VXN: variants seen among roughly 807,000 people sequenced by gnomAD.
VXN encodes the protein vexin, also known as uncharacterized protein C8orf46.
In VXN, 7 loss-of-function variants were observed where a neutral mutation model predicts 23.1. The observed-to-expected ratio is 0.30, with a 90% CI of 0.17 to 0.57. The LOEUF (loss-of-function observed/expected upper bound fraction) is 0.57. Among genes scored for constraint, VXN ranks in the 20% least tolerant of loss-of-function variants. VXN has a pLI of 0.91. For synonymous variants in VXN, 120 were observed against 105.8 expected (o/e 1.13, Z -0.83); for missense variants, 238 against 272.6 (o/e 0.87, Z 0.89).
At position 66,505,536 on chromosome 8, in the gene VXN, A is replaced by T; in HGVS notation, c.280+8A>T. On this transcript the variant is annotated splice_region_variant and intron_variant, in intron 3 of 5. Transcript: ENST00000305454. ...AAGCCTCTGCCAGACCCGGTACGTG[A>T]GTCCCGGCCCCAGCTCCCCGCACCT... The T allele has an allele frequency of 6.7e-7, 1 of 1,483,812 alleles. No homozygotes were observed. The highest frequency in any genetic ancestry group is 8.9e-7 in the Non-Finnish European group (1 of 1,120,982). 91.9% of individuals were successfully genotyped at this position (1,483,812 alleles called of 1,614,324 possible). A position where few individuals can be genotyped will look rare whatever the true frequency, so the allele number is the denominator to read the frequency against.
At chr8:66,496,568 C>T (rs1263115892) in intron 2 of VXN, 76 bp downstream of exon 2, 27 of 1,347,756 alleles carry the variant, frequency 2.0e-5, no homozygotes, top group African/African-American at 1.0e-4. Context: ...TCTTCACTCT[C>T]GCTCCCCAGC....
At chr8:66,493,807 T>C (rs1563504275) in intron 1 of VXN, 89 bp downstream of exon 1, 2 of 1,071,446 alleles carry the variant, frequency 1.9e-6, no homozygotes, top group Non-Finnish European at 2.8e-6. Context: ...CTACGGTTTA[T>C]CCTCAGGTCT....
chr8:66,506,241 G>A (rs1053889310), intron 3 of VXN, among the ~76,000 whole-genome samples: 9 of 147,348 alleles, frequency 6.1e-5, no homozygotes, highest in Non-Finnish European at 1.3e-4. Context: ...CAGTGTGTGT[G>A]TGTGTGTGTG....
intron 5 of VXN, 56 bp downstream of exon 5, chr8:66,513,693 C>T (rs946405369): frequency 6.8e-7 from 1 of 1,478,636 alleles, no homozygotes; most frequent in South Asian, 1.2e-5. Context: ...CCTGATCCTT[C>T]CTTCCCCAGA....
chr8:66,500,722 A>G (rs1389089561), intron 2 of VXN, among the ~76,000 whole-genome samples: 1 of 151,888 alleles, frequency 6.6e-6, no homozygotes, highest in Admixed American at 6.6e-5. Context: ...TATTAGTCCC[A>G]TCTTTGTGTC....
intron 2 of VXN, among the ~76,000 whole-genome samples, chr8:66,500,426 T>C (rs1181337112): frequency 6.6e-6 from 1 of 152,244 alleles, no homozygotes; most frequent in Non-Finnish European, 1.5e-5. Flanking sequence ...CTATAATTAT[T>C]GATGTGATTC....
At position 66,514,951 on chromosome 8, in the gene VXN, A is replaced by T. The variant is rs550793783; in HGVS notation, c.441-942A>T. ...GTGGGGAGCACTTCTGAATGACAGA[A>T]GATTGGCTAGAAAGAATTATAAAAA... On this transcript the variant is annotated intron_variant, in intron 5 of 5. Transcript: ENST00000305454. 2.0e-5 allele frequency among the ~76,000 whole-genome samples: 3 copies of T among 152,368 alleles called. No homozygotes were observed. The East Asian group carries it at 5.8e-4, about 29-fold the overall frequency.
intron 2 of VXN, among the ~76,000 whole-genome samples, chr8:66,498,250 T>C (rs1250090703): frequency 6.6e-6 from 1 of 151,614 alleles, no homozygotes; most frequent in Non-Finnish European, 1.5e-5. Flanking sequence ...GGAAGGATCA[T>C]GTGAGCCAGG....
intron 2 of VXN, among the ~76,000 whole-genome samples, chr8:66,500,428 A>G (rs1038772762): frequency 1.3e-5 from 2 of 152,156 alleles, no homozygotes; most frequent in African/African-American, 2.4e-5. Flanking sequence ...ATAATTATTG[A>G]TGTGATTCTT....
intron 3 of VXN, among the ~76,000 whole-genome samples, chr8:66,507,655 A>T (rs527276027): frequency 5.3e-5 from 8 of 152,266 alleles, no homozygotes; most frequent in Admixed American, 5.2e-4. Context: ...ATATGGAGAG[A>T]ATCTGCCCAG....
chr8:66,510,129 G>T lies in VXN; in HGVS notation c.314G>T (p.Cys105Phe). Residue 105 changes from cysteine (C) to phenylalanine (F), a missense_variant, in exon 4 of 6, where the codon TGT becomes TTT. Physicochemically the swap from Cys to Phe is radical, Grantham distance 205. This residue lies in a region of VXN where 223 missense variants were observed against 236.9 expected (regional missense o/e 0.94). Transcript: ENST00000305454. ...GISEPKTSNL[C>F]GNRAYGKSLI... Reference sequence around the variant, plus strand: ...TCTGAACCCAAAACATCAAATCTGTGTGGGAATCGAGCATATGGAAAATCT... The same window carrying T: ...TCTGAACCCAAAACATCAAATCTGTTTGGGAATCGAGCATATGGAAAATCT... The T allele has an allele frequency of 6.2e-7, 1 of 1,613,600 alleles. No homozygotes were observed. The highest frequency in any genetic ancestry group is 8.5e-7 in the Non-Finnish European group (1 of 1,179,812).
chr8:66,496,410 A>G (rs1586514649), intron 1 of VXN, 27 bp from the exon 2 acceptor site: 2 of 1,612,790 alleles, frequency 1.2e-6, no homozygotes, highest in East Asian at 2.2e-5. Context: ...GTTGTCTAAA[A>G]CCATTTCTTT....
At chr8:66,505,890 A>C (rs1017982206) in intron 3 of VXN, among the ~76,000 whole-genome samples, 2 of 151,952 alleles carry the variant, frequency 1.3e-5, no homozygotes, top group African/African-American at 4.8e-5. Flanking sequence ...CCCTGGGCTC[A>C]AGCCATCCTC....
chr8:66,507,406 G>A (rs1388771430), intron 3 of VXN, among the ~76,000 whole-genome samples: 1 of 152,164 alleles, frequency 6.6e-6, no homozygotes, highest in Non-Finnish European at 1.5e-5. Flanking sequence ...CCAATTTCCA[G>A]AAGAAACCGA....
At chr8:66,502,933 A>G (rs1372921243) in intron 2 of VXN, among the ~76,000 whole-genome samples, 1 of 149,770 alleles carries the variant, frequency 6.7e-6, no homozygotes, top group Non-Finnish European at 1.5e-5. Flanking sequence ...TACAGCCCCC[A>G]CCTCCTGGGC....
In VXN at chr8:66,516,343, G is replaced by A; in HGVS notation, c.*267G>A. 1 of 276,956 alleles carries A rather than the reference G, an allele frequency of 3.6e-6. No individual in the cohort carries two copies. Among genetic ancestry groups the A allele is most frequent in the Non-Finnish European group, 6.7e-6 (1 of 150,180 alleles). 17.2% of individuals were successfully genotyped at this position (276,956 alleles called of 1,614,324 possible). On this transcript the variant is annotated 3_prime_UTR_variant, in exon 6 of 6. Transcript: ENST00000305454. ...ATAAAGTTTGTATCTCTATCTTTAAGCAAAAAATTAAACTTTCCCAGCTCA... is the reference window on the plus strand; with the variant it reads ...ATAAAGTTTGTATCTCTATCTTTAAACAAAAAATTAAACTTTCCCAGCTCA...
chr8:66,502,481 C>A (rs1563506501), intron 2 of VXN, among the ~76,000 whole-genome samples: 1 of 152,194 alleles, frequency 6.6e-6, no homozygotes, highest in Non-Finnish European at 1.5e-5. Context: ...TGCACAGTGG[C>A]TCGCACCTGT....
At chr8:66,506,940 G>T (rs935693530) in intron 3 of VXN, among the ~76,000 whole-genome samples, 2 of 152,068 alleles carry the variant, frequency 1.3e-5, no homozygotes, top group African/African-American at 4.8e-5. Context: ...GGGTGCATGT[G>T]TGTGTGGAAA....
Position 66,515,920 on chromosome 8 carries a change from A to G in VXN, c.468A>G (p.Glu156=). The G allele has an allele frequency of 6.2e-7, 1 of 1,609,420 alleles. No homozygotes were observed. Among genetic ancestry groups the G allele is most frequent in the East Asian group, 2.3e-5 (1 of 44,366 alleles). The change falls in exon 6 of 6, where the codon GAA becomes GAG. Residue 156 remains glutamate, a synonymous_variant. Transcript: ENST00000305454. ...RGSRHLKKMT[E]EYPALPQGAE... ...CCAGACATCTCAAGAAGATGACTGA[A>G]GAGTATCCAGCCCTTCCCCAAGGAG...
Sources: allele counts gnomAD v4.1 joint callset (sites outside exome capture counted in the v4.1 genomes callset), GRCh38; gene constraint gnomAD v4.1.1; regional missense constraint gnomAD v4.1.1; transcripts MANE v1.5; gene names NCBI Gene and HGNC (gene_info 2026-07-23, HGNC 2026-07-21).